The following HPSE2 variants were observed in gnomAD, a reference collection of about 807,000 sequenced individuals.
HPSE2 encodes heparanase 2 (inactive).
Under a neutral mutation model 60.5 loss-of-function variants are expected in HPSE2, and 38 were observed. That is an observed-to-expected ratio of 0.63 (90% confidence interval 0.48 to 0.82). The LOEUF (loss-of-function observed/expected upper bound fraction) is 0.82, where lower values mean the gene tolerates loss of function less well. Ranked by LOEUF, HPSE2 falls within the 40% of genes least tolerant of loss-of-function variation. The probability of loss-of-function intolerance (pLI) is 0.00; values close to 1 mark genes in which losing one functional copy is unlikely to be tolerated. For synonymous variants in HPSE2, 295 were observed against 293.2 expected (o/e 1.01, Z -0.06); for missense variants, 713 against 740.4 (o/e 0.96, Z 0.43).
intron 3 of HPSE2, among the ~76,000 whole-genome samples, chr10:98,902,062 T>C (rs1953681870): frequency 6.6e-6 from 1 of 152,208 alleles, no homozygotes; most frequent in African/African-American, 2.4e-5. Flanking sequence ...ACTCATACTG[T>C]CATCCATTAT....
intron 1 of HPSE2, among the ~76,000 whole-genome samples, 153 bp from the exon 2 acceptor site, chr10:99,232,658 T>G (rs576287672): frequency 3.3e-5 from 5 of 152,354 alleles, no homozygotes; most frequent in African/African-American, 9.6e-5. Flanking sequence ...CGCTGGCCCT[T>G]GGCCGCTGCC....
Position 98,739,153 on chromosome 10 carries a change from T to C in HPSE2, c.784+4730A>G, listed in dbSNP as rs548366886. Among the ~76,000 whole-genome samples, 12 of 152,262 alleles carry C rather than the reference T, an allele frequency of 7.9e-5. No individual in the cohort carries two copies. In the East Asian group the frequency reaches 2.3e-3, roughly 29 times the overall value. On this transcript the variant is annotated intron_variant, in intron 4 of 11. Transcript: ENST00000370552. ...AATACTATGCAGCCATAAAAAAGAA[T>C]GAGTTCATGTCCTTTGCAGGGACAT...
intron 9 of HPSE2, among the ~76,000 whole-genome samples, chr10:98,501,456 T>C (rs1297147824): frequency 6.6e-6 from 1 of 152,176 alleles, no homozygotes; most frequent in Non-Finnish European, 1.5e-5. Context: ...AATCACATGA[T>C]CATCTCAATA....
At position 99,221,364 on chromosome 10, in the gene HPSE2, C is replaced by T. The variant is rs1032923668; in HGVS notation, c.448+10984G>A. ...TACTGAAGAGCTACTACATAAAAGGCACTTTACTAGATTGTAGAAACTACA... is the reference window on the plus strand; with the variant it reads ...TACTGAAGAGCTACTACATAAAAGGTACTTTACTAGATTGTAGAAACTACA... On this transcript the variant is annotated intron_variant, in intron 2 of 11. Coordinates refer to ENST00000370552, the MANE Select transcript of HPSE2 (RefSeq NM_021828.5). Among the ~76,000 whole-genome samples, 8 of 152,086 alleles carry T rather than the reference C, an allele frequency of 5.3e-5. No homozygotes were observed. The South Asian group carries it at 1.7e-3, about 32-fold the overall frequency.
intron 9 of HPSE2, among the ~76,000 whole-genome samples, chr10:98,596,958 T>C (rs761746568): frequency 9.2e-5 from 14 of 152,080 alleles, no homozygotes; most frequent in Non-Finnish European, 1.8e-4. Context: ...TCAGCATGAG[T>C]GGGGAGGCCT....
the HPSE2 span, among the ~76,000 whole-genome samples, chr10:99,299,695 G>T: frequency 6.6e-6 from 1 of 152,148 alleles, no homozygotes. Flanking sequence ...CTTGAATGCA[G>T]AAATCATATG....
At chr10:99,076,538 C>A (rs191160530) in intron 3 of HPSE2, among the ~76,000 whole-genome samples, 1 of 152,266 alleles carries the variant, frequency 6.6e-6, no homozygotes, top group East Asian at 1.9e-4. Flanking sequence ...CAGGCATGAG[C>A]CACCACACCT....
At chr10:98,630,273 C>G (rs1946331193) in intron 7 of HPSE2, among the ~76,000 whole-genome samples, 1 of 150,538 alleles carries the variant, frequency 6.6e-6, no homozygotes, top group South Asian at 2.1e-4. Context: ...TCTTGGCTCA[C>G]TGCAAGCTCC....
At chr10:98,535,223 A>G (rs1233181774) in intron 9 of HPSE2, among the ~76,000 whole-genome samples, 1 of 152,230 alleles carries the variant, frequency 6.6e-6, no homozygotes, top group Non-Finnish European at 1.5e-5. Context: ...AATTTTATAT[A>G]AAAACTAGTT....
At chr10:98,520,157 T>C (rs891393352) in intron 9 of HPSE2, among the ~76,000 whole-genome samples, 1 of 152,180 alleles carries the variant, frequency 6.6e-6, no homozygotes, top group Non-Finnish European at 1.5e-5. Context: ...AGGAGTTCTG[T>C]CTATCAATCC....
chr10:98,984,606 C>T (rs1163306632), intron 3 of HPSE2, among the ~76,000 whole-genome samples: 1 of 152,312 alleles, frequency 6.6e-6, no homozygotes, highest in South Asian at 2.1e-4. Flanking sequence ...CAAAGGAACG[C>T]AGGTCCTCAC....
intron 4 of HPSE2, among the ~76,000 whole-genome samples, chr10:98,739,408 C>T (rs1322963355): frequency 6.8e-6 from 1 of 147,824 alleles, no homozygotes; most frequent in Non-Finnish European, 1.5e-5. Context: ...CACCATGGCA[C>T]ATGTATACCT....
At chr10:99,110,105 G>C (rs1221652201) in intron 3 of HPSE2, among the ~76,000 whole-genome samples, 1 of 152,178 alleles carries the variant, frequency 6.6e-6, no homozygotes, top group African/African-American at 2.4e-5. Flanking sequence ...ATATTAGTTC[G>C]TTGGTTTTTC....
At chr10:99,113,105 G>T (rs1844537834) in intron 3 of HPSE2, among the ~76,000 whole-genome samples, 1 of 152,126 alleles carries the variant, frequency 6.6e-6, no homozygotes, top group African/African-American at 2.4e-5. Context: ...TTTTGTAAAG[G>T]ATAGGCAACC....
chr10:98,493,844 C>T (rs1357929109), intron 9 of HPSE2, among the ~76,000 whole-genome samples: 1 of 152,150 alleles, frequency 6.6e-6, no homozygotes, highest in Admixed American at 6.5e-5. Context: ...TTCTATGTTA[C>T]AGCTTTTTTG....
rs191723765 is a variant in HPSE2, at chr10:99,047,908, G to A, written c.610+96330C>T. ...ATGTACCTTCAGAACCCAAACTGGC[G>A]TTTGTCCTCAGGATCAGAGGTATCG... On this transcript the variant is annotated intron_variant, in intron 3 of 11. Transcript: ENST00000370552. 1,357 of 761,238 alleles carry A rather than the reference G, an allele frequency of 1.8e-3. 1 individual carries two copies. Among genetic ancestry groups the A allele is most frequent in the Middle Eastern group, 3.7e-3 (11 of 2,980 alleles). 47.2% of individuals were successfully genotyped at this position (761,238 alleles called of 1,614,324 possible).
At chr10:98,556,530 A>T (rs980729787) in intron 9 of HPSE2, among the ~76,000 whole-genome samples, 1 of 152,220 alleles carries the variant, frequency 6.6e-6, no homozygotes, top group Non-Finnish European at 1.5e-5. Context: ...ATCTACTACC[A>T]ACAACTATGA....
chr10:99,217,096 C>T (rs867733836), intron 2 of HPSE2, among the ~76,000 whole-genome samples: 3 of 152,010 alleles, frequency 2.0e-5, no homozygotes, highest in Non-Finnish European at 4.4e-5. Flanking sequence ...GCCATCATCA[C>T]TAAAGCAAAA....
rs76083606 is a variant in HPSE2, at chr10:98,488,919, C to G, written c.1466+1132G>C. 4.2e-3 allele frequency among the ~76,000 whole-genome samples: 638 copies of G among 152,326 alleles called. 10 individuals carry two copies. The East Asian group carries it at 0.042, about 10-fold the overall frequency. ...GACAAGACAACTGGCCCCTGCCCCC[C>G]CTCTCCTCAGAGTGATTCTTTGAAA... On this transcript the variant is annotated intron_variant, in intron 10 of 11. Coordinates refer to ENST00000370552, the MANE Select transcript of HPSE2 (RefSeq NM_021828.5).
Sources: allele counts gnomAD v4.1 joint callset (sites outside exome capture counted in the v4.1 genomes callset), GRCh38; gene constraint gnomAD v4.1.1; transcripts MANE v1.5; gene names NCBI Gene and HGNC (gene_info 2026-07-23, HGNC 2026-07-21).